Variants in PEX5L observed in about 807,000 individuals in gnomAD.
PEX5L encodes peroxisomal biogenesis factor 5 like.
A neutral mutation model predicts 84.0 loss-of-function variants in PEX5L; 30 were observed. That is an observed-to-expected ratio of 0.36 (90% CI 0.27 to 0.48). The LOEUF (loss-of-function observed/expected upper bound fraction) is 0.48, where lower values mean the gene tolerates loss of function less well. Among genes scored for constraint, PEX5L ranks in the 20% least tolerant of loss-of-function variants. The pLI is 0.99. For missense variants in PEX5L, 533 were observed against 754.6 expected, an observed-to-expected ratio of 0.71 and a Z score of 3.44; for synonymous variants, 270 against 283.1, an observed-to-expected ratio of 0.95 and a Z score of 0.46.
chr3:180,021,745 G>C (rs1342945677), intron 1 of PEX5L, among the ~76,000 whole-genome samples: 2 of 152,324 alleles, frequency 1.3e-5, no homozygotes, highest in East Asian at 3.9e-4. Context: ...AGTTGGAACA[G>C]GTACAGGTAG....
chr3:179,965,341 C>A (rs9866978), intron 2 of PEX5L, among the ~76,000 whole-genome samples: 115,478 of 152,200 alleles, frequency 0.76, 44,107 homozygotes, highest in East Asian at 0.96. Flanking sequence ...GGAGGCCAAG[C>A]TGGACACATG....
intron 2 of PEX5L, among the ~76,000 whole-genome samples, chr3:179,963,522 G>T (rs1782579418): frequency 6.6e-6 from 1 of 152,074 alleles, no homozygotes; most frequent in African/African-American, 2.4e-5. Flanking sequence ...GAGAAACAGA[G>T]GAGAGCACAT....
intron 1 of PEX5L, among the ~76,000 whole-genome samples, chr3:180,001,834 C>A (rs1788448611): frequency 6.6e-6 from 1 of 152,128 alleles, no homozygotes; most frequent in Non-Finnish European, 1.5e-5. Context: ...CAAATACACA[C>A]TTATCCATCC....
chr3:179,883,256 C>T (rs1261473583), intron 4 of PEX5L, among the ~76,000 whole-genome samples: 2 of 152,162 alleles, frequency 1.3e-5, no homozygotes, highest in Non-Finnish European at 2.9e-5. Flanking sequence ...TCACCACTCA[C>T]AGCTTCATAG....
intron 2 of PEX5L, among the ~76,000 whole-genome samples, chr3:179,937,536 C>A (rs1177562271): frequency 1.3e-5 from 2 of 152,088 alleles, no homozygotes; most frequent in Non-Finnish European, 2.9e-5. Context: ...AATATAATGA[C>A]CAATCATCTT....
At chr3:180,010,084 C>A (rs1040988634) in intron 1 of PEX5L, among the ~76,000 whole-genome samples, 2 of 151,848 alleles carry the variant, frequency 1.3e-5, no homozygotes, top group Non-Finnish European at 2.9e-5. Context: ...GCTGGGACTA[C>A]AGGCGCCCGC....
intron 3 of PEX5L, among the ~76,000 whole-genome samples, chr3:179,890,994 CTCTT>C (rs1757452494): frequency 6.8e-6 from 1 of 147,542 alleles, no homozygotes. Context: ...TGGAGTCCGT[CTCTT>C]TATTCAAACT....
chr3:179,989,940 C>A (rs989214271), intron 1 of PEX5L, among the ~76,000 whole-genome samples: 10 of 152,190 alleles, frequency 6.6e-5, no homozygotes, highest in Non-Finnish European at 1.0e-4. Flanking sequence ...CGATAAACTC[C>A]TTACCACATA....
intron 1 of PEX5L, among the ~76,000 whole-genome samples, chr3:180,033,088 A>G (rs540087564): frequency 1.3e-5 from 2 of 152,252 alleles, no homozygotes; most frequent in Non-Finnish European, 2.9e-5. Flanking sequence ...ATGTACTAAC[A>G]TAACTTAAAT....
In PEX5L at chr3:179,885,926, C is replaced by A. The variant is rs893940142; in HGVS notation, c.310+1747G>T. ...CAACTCAGTGGGTGGTACTTTGTCA[C>A]AGCAGCCCTAGGACTAATACAGAGG... On this transcript the variant is annotated intron_variant, in intron 4 of 14. Transcript: ENST00000467460. 2.6e-5 allele frequency among the ~76,000 whole-genome samples: 4 copies of A among 152,176 alleles called. No homozygotes were observed. The South Asian group carries it at 6.2e-4, about 24-fold the overall frequency.
In PEX5L at chr3:179,809,495, C is replaced by T. The variant is rs201842132; in HGVS notation, c.1328G>A (p.Arg443Gln). 5.9e-5 allele frequency: 95 copies of T among 1,613,780 alleles called. No individual in the cohort carries two copies. The highest frequency in any genetic ancestry group is 1.6e-4 in the Middle Eastern group (1 of 6,084). Residue 443 changes from arginine (R) to glutamine (Q), a missense_variant, in exon 12 of 15, where the codon CGG becomes CAG. Physicochemically the swap from Arg to Gln is conservative, Grantham distance 43. Transcript: ENST00000467460. The stretch of plus-strand genomic sequence containing the variant: ...CCTATCAACTGGGGACTTAGACATC[C>T]GCCGGGTGAGGCCTGGAGATCCCTT... Reference protein sequence around the residue: ...SKKGSPGLTRRMSKSPVDSSV... With the variant: ...SKKGSPGLTRQMSKSPVDSSV...
rs749404016 is a variant in PEX5L, at chr3:179,801,556, A to G, written c.*272T>C. The G allele has an allele frequency of 1.4e-5, 5 of 365,888 alleles. No individual in the cohort carries two copies. Among genetic ancestry groups the G allele is most frequent in the Non-Finnish European group, 2.5e-5 (5 of 201,248 alleles). The allele number at this position is 365,888 out of a possible 1,614,324, so 22.7% of individuals were successfully genotyped here. On this transcript the variant is annotated 3_prime_UTR_variant, in exon 15 of 15. Transcript: ENST00000467460. Reference sequence around the variant, plus strand: ...TGCAATATGCTTGCAACTTGTGGAAAGAGTATTCAACACACAGTTACTTTA... The same window carrying G: ...TGCAATATGCTTGCAACTTGTGGAAGGAGTATTCAACACACAGTTACTTTA...
intron 2 of PEX5L, chr3:179,902,109 T>C (rs1009577766): frequency 6.6e-6 from 1 of 152,226 alleles, no homozygotes; most frequent in Non-Finnish European, 1.5e-5. Context: ...CATAATTTCA[T>C]TTATTTGATC....
chr3:179,968,907 C>CT (rs1214146565), intron 2 of PEX5L, among the ~76,000 whole-genome samples: 2 of 152,074 alleles, frequency 1.3e-5, no homozygotes, highest in South Asian at 2.1e-4. Context: ...CCGAAATACA[C>CT]TTTTTTTTCC....
chr3:180,019,533 A>G (rs910475286), intron 1 of PEX5L, among the ~76,000 whole-genome samples: 26 of 152,216 alleles, frequency 1.7e-4, no homozygotes, highest in Admixed American at 1.3e-3. Flanking sequence ...AGGTAGAAGC[A>G]TACCTTGAGG....
chr3:179,890,963 A>C (rs1297992334), intron 3 of PEX5L, among the ~76,000 whole-genome samples: 3 of 149,862 alleles, frequency 2.0e-5, no homozygotes, highest in African/African-American at 4.9e-5. Flanking sequence ...CCAAAGGTAA[A>C]AAAATTTTTT....
At chr3:179,942,018 A>C (rs1239487535) in intron 2 of PEX5L, among the ~76,000 whole-genome samples, 5 of 15,540 alleles carry the variant, frequency 3.2e-4, no homozygotes, top group Non-Finnish European at 8.9e-4. Flanking sequence ...GAGACTCCTC[A>C]AAAAAAAAAA....
intron 1 of PEX5L, chr3:179,974,096 A>T: frequency 1.0e-6 from 1 of 985,590 alleles, no homozygotes; most frequent in Non-Finnish European, 1.2e-6. Context: ...CCAGGCAGGG[A>T]TCTTCAGCTC....
chr3:179,805,314 A>G (rs536726258), intron 14 of PEX5L, among the ~76,000 whole-genome samples: 1 of 152,252 alleles, frequency 6.6e-6, no homozygotes, highest in Non-Finnish European at 1.5e-5. Context: ...TACAGAATGC[A>G]TAGTTAAATG....
Sources: gnomAD v4.1 joint callset for allele counts (sites outside exome capture counted in the v4.1 genomes callset) on GRCh38, gnomAD v4.1.1 for gene constraint, MANE v1.5 for transcripts, NCBI Gene and HGNC (gene_info 2026-07-23, HGNC 2026-07-21) for gene names.